The following GABRA3 variants were observed in gnomAD, a reference collection of about 807,000 sequenced individuals.
GABRA3 encodes gamma-aminobutyric acid receptor subunit alpha-3.
In GABRA3, 10 loss-of-function variants were observed where a neutral mutation model predicts 30.1. The ratio of observed to expected loss-of-function variants is 0.33; its 90% CI spans 0.20 to 0.56. The LOEUF (loss-of-function observed/expected upper bound fraction) is 0.56, where lower values mean the gene tolerates loss of function less well. Ranked by LOEUF, GABRA3 falls within the 20% of genes least tolerant of loss-of-function variation. The probability of loss-of-function intolerance (pLI) is 0.89; values close to 1 mark genes in which losing one functional copy is unlikely to be tolerated. For missense variants in GABRA3, 233 were observed against 392.0 expected (o/e 0.59, Z 3.42); for synonymous variants, 151 against 146.8 (o/e 1.03, Z -0.21).
At chrX:152,328,216 C>A (rs1054121421) in intron 3 of GABRA3, among the ~76,000 whole-genome samples, 9 of 111,120 alleles carry the variant, frequency 8.1e-5, no homozygotes, top group African/African-American at 2.9e-4. Flanking sequence ...AATAGCCTAC[C>A]AACGAAAAAA....
chrX:152,169,807 C>T (rs773276041), intron 9 of GABRA3, among the ~76,000 whole-genome samples: 5 of 111,582 alleles, frequency 4.5e-5, no homozygotes, highest in Admixed American at 9.5e-5. Context: ...AGAACCCAGG[C>T]TTCACTTCTT....
At chrX:152,439,844 G>A (rs949437206) in intron 1 of GABRA3, among the ~76,000 whole-genome samples, 6 of 112,016 alleles carry the variant, frequency 5.4e-5, no homozygotes, top group Admixed American at 3.8e-4. Context: ...CATACCAAAT[G>A]TTTCCATTGA....
chrX:152,383,928 T>G (rs1929223456), intron 1 of GABRA3, among the ~76,000 whole-genome samples: 1 of 102,016 alleles, frequency 9.8e-6, no homozygotes, highest in Admixed American at 1.1e-4. Context: ...CTCTGGTTAC[T>G]GATGACATGA....
chrX:152,171,021 C>T (rs1163344224), intron 9 of GABRA3, among the ~76,000 whole-genome samples: 3 of 111,846 alleles, frequency 2.7e-5, no homozygotes, highest in African/African-American at 9.7e-5. Flanking sequence ...AGCCCTGCTG[C>T]TAAATGTCTT....
chrX:152,203,822 C>T (rs1429300109), intron 7 of GABRA3, among the ~76,000 whole-genome samples: 1 of 111,602 alleles, frequency 9.0e-6, no homozygotes, highest in East Asian at 2.8e-4. Flanking sequence ...ACATTATGCC[C>T]ACTTGAATAA....
chrX:152,238,662 A>T (rs192370127), intron 5 of GABRA3, among the ~76,000 whole-genome samples: 2,181 of 109,082 alleles, frequency 0.02, 52 homozygotes, highest in African/African-American at 0.069. Flanking sequence ...TTATTGCAAC[A>T]ATTTCAGCTC....
At chrX:152,449,601 C>A (rs1009628861) in intron 1 of GABRA3, among the ~76,000 whole-genome samples, 2 of 111,014 alleles carry the variant, frequency 1.8e-5, no homozygotes, top group African/African-American at 6.6e-5. Context: ...AGGTGAAGCC[C>A]GGCTCCAGGC....
chrX:152,217,531 G>C lies in GABRA3; in HGVS notation c.634+7232C>G, dbSNP rs746140456. Among the ~76,000 whole-genome samples the C allele has an allele frequency of 7.2e-5, 8 of 111,300 alleles. No individual in the cohort carries two copies. The South Asian group carries it at 1.5e-3, about 21-fold the overall frequency. ...TTGGAAGAATTATTTGTGAAAACCT[G>C]GTATTGATTGGTATCAAGTCTTCTT... On this transcript the variant is annotated intron_variant, in intron 6 of 9. Transcript: ENST00000370314.
chrX:152,345,803 C>A (rs2124482073), intron 2 of GABRA3, 101 bp from the exon 3 acceptor site: 1 of 751,867 alleles, frequency 1.3e-6, no homozygotes, highest in Admixed American at 3.8e-5. Context: ...ATAGACTGGG[C>A]CAATTACATA....
At chrX:152,188,747 G>A (rs1214805932) in intron 9 of GABRA3, among the ~76,000 whole-genome samples, 1 of 111,467 alleles carries the variant, frequency 9.0e-6, no homozygotes, top group Non-Finnish European at 1.9e-5. Context: ...TATACTCTAT[G>A]CAATACATAT....
chrX:152,410,289 G>A (rs749148381), intron 1 of GABRA3, among the ~76,000 whole-genome samples: 1 of 111,607 alleles, frequency 9.0e-6, no homozygotes, highest in African/African-American at 3.2e-5. Flanking sequence ...GAAGGAACAA[G>A]AGGTAGTATT....
At chrX:152,197,833 T>C (rs748447120) in intron 7 of GABRA3, 48 bp from the exon 8 acceptor site, 2 of 1,016,477 alleles carry the variant, frequency 2.0e-6, no homozygotes, top group South Asian at 2.4e-5. Flanking sequence ...TAAACATTGC[T>C]AAATCAAGTT....
chrX:152,226,171 T>G (rs1937949289), intron 5 of GABRA3, among the ~76,000 whole-genome samples: 1 of 111,645 alleles, frequency 9.0e-6, no homozygotes, highest in Admixed American at 9.6e-5. Context: ...TGTAACAGTG[T>G]TAGGAAGCAA....
chrX:152,265,280 G>A (rs1938803886), intron 4 of GABRA3, among the ~76,000 whole-genome samples: 1 of 111,276 alleles, frequency 9.0e-6, no homozygotes, highest in African/African-American at 3.3e-5. Context: ...AAAAAAATTT[G>A]AAATAATATC....
chrX:152,402,504 T>C (rs1171763375), intron 1 of GABRA3, among the ~76,000 whole-genome samples: 5 of 111,771 alleles, frequency 4.5e-5, no homozygotes, highest in African/African-American at 1.3e-4. Context: ...GATGAATTGG[T>C]CAAACTAGAT....
chrX:152,297,226 C>CT (rs1021586210), intron 3 of GABRA3, among the ~76,000 whole-genome samples: 2 of 111,593 alleles, frequency 1.8e-5, no homozygotes, highest in African/African-American at 6.5e-5. Flanking sequence ...ATGTTTCATT[C>CT]TTAATGAAGT....
chrX:152,441,096 G>A (rs1930918416), intron 1 of GABRA3, among the ~76,000 whole-genome samples: 2 of 110,688 alleles, frequency 1.8e-5, no homozygotes, highest in African/African-American at 6.6e-5. Flanking sequence ...GCTGCAAAGG[G>A]GCCCAAAAGA....
chrX:152,321,595 G>A (rs201238016), intron 3 of GABRA3, among the ~76,000 whole-genome samples: 1 of 111,425 alleles, frequency 9.0e-6, no homozygotes, highest in East Asian at 2.8e-4. Context: ...ACTCTTTGGA[G>A]ATTGATTTTA....
At chrX:152,241,255 C>T (rs1251240632) in intron 5 of GABRA3, among the ~76,000 whole-genome samples, 1 of 96,347 alleles carries the variant, frequency 1.0e-5, no homozygotes, top group Non-Finnish European at 2.2e-5. Context: ...GAATACCCTG[C>T]AGTGTGAGGT....
Sources: allele counts gnomAD v4.1 joint callset (sites outside exome capture counted in the v4.1 genomes callset), GRCh38; gene constraint gnomAD v4.1.1; transcripts MANE v1.5; gene names NCBI Gene and HGNC (gene_info 2026-07-23, HGNC 2026-07-21).